SND1: variants seen among roughly 807,000 people sequenced by gnomAD.
The protein encoded by SND1 is staphylococcal nuclease domain-containing protein 1.
Under a neutral mutation model 121.7 loss-of-function variants are expected in SND1, and 38 were observed. The observed-to-expected ratio is 0.31, with a 90% confidence interval of 0.24 to 0.41. The LOEUF is 0.41. Ranked by LOEUF, SND1 falls within the 10% of genes least tolerant of loss-of-function variation. The pLI is 1.00. For synonymous variants in SND1, 401 were observed against 447.4 expected, an observed-to-expected ratio of 0.90 and a Z score of 1.31; for missense variants, 868 against 1,184.6, an observed-to-expected ratio of 0.73 and a Z score of 3.92.
intron 10 of SND1, among the ~76,000 whole-genome samples, chr7:127,762,582 A>C (rs528930418): frequency 6.6e-6 from 1 of 152,256 alleles, no homozygotes; most frequent in East Asian, 1.9e-4. Context: ...CAACATATGG[A>C]TTTTGGAGGA....
chr7:127,929,228 G>C lies in SND1; in HGVS notation c.1568G>C (p.Arg523Pro). ...AAGCAGTTCCTGCCTTTTCTTCAGCGGGCAGGTCGTTCTGAAGCTGTGGTG... is the reference window on the plus strand; with the variant it reads ...AAGCAGTTCCTGCCTTTTCTTCAGCCGGCAGGTCGTTCTGAAGCTGTGGTG... ...KAKQFLPFLQRAGRSEAVVEY... is the reference protein window; with the variant it reads ...KAKQFLPFLQPAGRSEAVVEY... The change falls in exon 15 of 24, where the codon CGG becomes CCG. Residue 523 changes from arginine to proline, a missense_variant. Arg to Pro is a moderately radical substitution (Grantham distance 103). Coordinates refer to ENST00000354725, the MANE Select transcript of SND1 (RefSeq NM_014390.4). 6.2e-7 allele frequency: 1 copy of C among 1,613,948 alleles called. No individual in the cohort carries two copies. Among genetic ancestry groups the C allele is most frequent in the Non-Finnish European group, 8.5e-7 (1 of 1,179,882 alleles).
intron 18 of SND1, among the ~76,000 whole-genome samples, chr7:128,084,078 C>A (rs1052759958): frequency 6.6e-6 from 1 of 152,210 alleles, no homozygotes; most frequent in African/African-American, 2.4e-5. Flanking sequence ...ACTGGAAGTC[C>A]TGTTCAGCAT....
chr7:127,894,944 T>A (rs1487815982), intron 13 of SND1, among the ~76,000 whole-genome samples: 1 of 152,090 alleles, frequency 6.6e-6, no homozygotes, highest in Admixed American at 6.6e-5. Flanking sequence ...ATAATTTTAT[T>A]AGTACTGCTG....
intron 10 of SND1, among the ~76,000 whole-genome samples, chr7:127,801,821 C>T (rs1039400246): frequency 4.9e-4 from 75 of 152,096 alleles, no homozygotes; most frequent in African/African-American, 1.3e-3. Flanking sequence ...TGCCAGCCTC[C>T]GCGTGGTCAA....
intron 2 of SND1, among the ~76,000 whole-genome samples, chr7:127,691,071 T>G (rs1006560481): frequency 6.6e-6 from 1 of 152,204 alleles, no homozygotes; most frequent in Admixed American, 6.5e-5. Flanking sequence ...GGGAATTATA[T>G]ATTTATTTCC....
chr7:127,888,329 T>A (rs1799949412), intron 13 of SND1, among the ~76,000 whole-genome samples: 1 of 152,150 alleles, frequency 6.6e-6, no homozygotes, highest in Admixed American at 6.6e-5. Context: ...ATTCCGGGAC[T>A]AACTGTGAAG....
Position 128,076,023 on chromosome 7 carries a change from C to A in SND1, c.1968+1333C>A, listed in dbSNP as rs1026522008. ...GAAGAGTTAGCAGCTGGGGGTAGAG[C>A]GGCAAGCCCCAGAGTCTAACGCCCA... On this transcript the variant is annotated intron_variant, in intron 17 of 23. Coordinates refer to ENST00000354725, the MANE Select transcript of SND1 (RefSeq NM_014390.4). Among the ~76,000 whole-genome samples, 4 of 152,310 alleles carry A rather than the reference C, an allele frequency of 2.6e-5. No individual in the cohort carries two copies. The East Asian group carries it at 7.7e-4, about 29-fold the overall frequency.
chr7:127,910,311 G>A (rs941215628), intron 14 of SND1, among the ~76,000 whole-genome samples: 2 of 152,076 alleles, frequency 1.3e-5, no homozygotes, highest in Admixed American at 6.5e-5. Flanking sequence ...AGGCGTGGTC[G>A]CGGGCACCTG....
chr7:127,747,684 G>A (rs1018645587), intron 10 of SND1, among the ~76,000 whole-genome samples: 3 of 152,138 alleles, frequency 2.0e-5, no homozygotes, highest in African/African-American at 7.2e-5. Flanking sequence ...TGCATGTATA[G>A]GCCCACAGCA....
chr7:127,818,175 C>G (rs1215503108), intron 11 of SND1, among the ~76,000 whole-genome samples: 1 of 152,148 alleles, frequency 6.6e-6, no homozygotes, highest in African/African-American at 2.4e-5. Flanking sequence ...GGTTGAAATA[C>G]AAACCAAGAC....
At chr7:127,709,415 C>G (rs535875778) in intron 9 of SND1, among the ~76,000 whole-genome samples, 1 of 152,138 alleles carries the variant, frequency 6.6e-6, no homozygotes, top group Non-Finnish European at 1.5e-5. Flanking sequence ...AGTACCCTGT[C>G]GTGTTCCTAC....
chr7:127,863,380 A>G (rs1799413419), intron 12 of SND1, among the ~76,000 whole-genome samples: 1 of 152,192 alleles, frequency 6.6e-6, no homozygotes, highest in South Asian at 2.1e-4. Context: ...TATTTACTGT[A>G]GAGTCTTATG....
chr7:127,982,656 C>T (rs775048896), intron 15 of SND1, among the ~76,000 whole-genome samples: 1 of 152,188 alleles, frequency 6.6e-6, no homozygotes, highest in Non-Finnish European at 1.5e-5. Context: ...TCATGAAGAA[C>T]GAACTCTTGG....
chr7:127,849,184 T>C (rs1799121676), intron 12 of SND1, among the ~76,000 whole-genome samples: 1 of 152,210 alleles, frequency 6.6e-6, no homozygotes, highest in African/African-American at 2.4e-5. Flanking sequence ...TTAATTACTT[T>C]TTATTGTATT....
intron 10 of SND1, among the ~76,000 whole-genome samples, chr7:127,764,048 A>AAG: frequency 6.9e-6 from 1 of 145,492 alleles, no homozygotes; most frequent in East Asian, 2.0e-4. Flanking sequence ...CAAAAAAAAA[A>AAG]AAAACAAAAA....
At chr7:127,673,160 A>G (rs971070561) in intron 1 of SND1, among the ~76,000 whole-genome samples, 10 of 147,058 alleles carry the variant, frequency 6.8e-5, no homozygotes, top group Non-Finnish European at 1.3e-4. Flanking sequence ...GATATATAAT[A>G]TATATCATAT....
intron 16 of SND1, chr7:128,028,154 T>C (rs562386132): frequency 6.5e-6 from 1 of 152,940 alleles, no homozygotes; most frequent in Admixed American, 6.5e-5. Context: ...CCACTATCAT[T>C]TTGGCACAGT....
chr7:127,735,679 T>G (rs998368008), intron 10 of SND1, among the ~76,000 whole-genome samples: 1 of 152,180 alleles, frequency 6.6e-6, no homozygotes, highest in Non-Finnish European at 1.5e-5. Context: ...CAGGCTGGAG[T>G]GCAGTGGCAC....
chr7:127,743,829 T>C (rs1796928895), intron 10 of SND1, among the ~76,000 whole-genome samples: 1 of 152,204 alleles, frequency 6.6e-6, no homozygotes, highest in African/African-American at 2.4e-5. Context: ...TAATTCTGAG[T>C]ATTTTTCCTG....
Sources: gnomAD v4.1 joint callset for allele counts (sites outside exome capture counted in the v4.1 genomes callset) on GRCh38, gnomAD v4.1.1 for gene constraint, MANE v1.5 for transcripts, NCBI Gene and HGNC (gene_info 2026-07-23, HGNC 2026-07-21) for gene names.